VPS13B: variants seen among roughly 807,000 people sequenced by gnomAD.
VPS13B encodes the protein intermembrane lipid transfer protein VPS13B.
VPS13B carries 285 observed loss-of-function variants against 426.4 expected under a neutral mutation model. The observed-to-expected ratio is 0.67, with a 90% CI of 0.61 to 0.74. The LOEUF (loss-of-function observed/expected upper bound fraction) is 0.74, where lower values mean the gene tolerates loss of function less well. Ranked by LOEUF, VPS13B falls within the 30% of genes least tolerant of loss-of-function variation. VPS13B has a pLI of 0.00. For synonymous variants in VPS13B, 1,676 were observed against 1,676.4 expected (o/e 1.00, Z 0.01); for missense variants, 4,537 against 4,782.6 (o/e 0.95, Z 1.51).
chr8:99,084,924 T>C (rs1318487653), intron 3 of VPS13B, among the ~76,000 whole-genome samples: 1 of 152,184 alleles, frequency 6.6e-6, no homozygotes, highest in African/African-American at 2.4e-5. Context: ...GAAGAATGTA[T>C]ATTCTGTTGA....
chr8:99,322,689 C>T (rs973488197), intron 19 of VPS13B, among the ~76,000 whole-genome samples: 3 of 152,088 alleles, frequency 2.0e-5, no homozygotes, highest in African/African-American at 7.2e-5. Context: ...CATGCAAAGA[C>T]TTAGCTATTG....
At chr8:99,291,839 A>G (rs963304398) in intron 19 of VPS13B, among the ~76,000 whole-genome samples, 4 of 152,122 alleles carry the variant, frequency 2.6e-5, no homozygotes, top group African/African-American at 4.8e-5. Context: ...TTTAAATGGT[A>G]ATTATTATTG....
chr8:99,233,423 T>C, intron 17 of VPS13B: 2 of 1,249,278 alleles, frequency 1.6e-6, no homozygotes, highest in Non-Finnish European at 1.2e-6. Flanking sequence ...GCCAGCTGTT[T>C]GATGTGTGCC....
At chr8:99,205,783 A>G (rs1814679566) in intron 17 of VPS13B, among the ~76,000 whole-genome samples, 1 of 152,190 alleles carries the variant, frequency 6.6e-6, no homozygotes, top group Non-Finnish European at 1.5e-5. Context: ...CTTAAATATC[A>G]TCCCGCAGCT....
chr8:99,200,862 C>A lies in VPS13B; in HGVS notation c.2515+7805C>A, dbSNP rs375719720. On this transcript the variant is annotated intron_variant, in intron 17 of 61. Transcript: ENST00000357162. ...TGTCTTTTTACTTTTCTGATGGTGA[C>A]CTTTTGTCTAATTTTTTTCATTACC... 8.6e-5 allele frequency among the ~76,000 whole-genome samples: 13 copies of A among 151,866 alleles called. 1 individual carries two copies. The East Asian group carries it at 2.5e-3, about 29-fold the overall frequency.
chr8:99,801,625 C>T (rs1048888068), intron 43 of VPS13B, among the ~76,000 whole-genome samples: 4 of 152,080 alleles, frequency 2.6e-5, no homozygotes, highest in Non-Finnish European at 4.4e-5. Flanking sequence ...AAAATACATT[C>T]TCTGGTCCAA....
chr8:99,231,308 T>C (rs1004870355), intron 17 of VPS13B, among the ~76,000 whole-genome samples: 3 of 152,126 alleles, frequency 2.0e-5, no homozygotes, highest in African/African-American at 7.2e-5. Flanking sequence ...TCTTTTGTTG[T>C]TGTTGTTGTT....
chr8:99,844,363 CTTT>C (rs71572047), intron 54 of VPS13B, among the ~76,000 whole-genome samples: 8 of 131,030 alleles, frequency 6.1e-5, no homozygotes, highest in Non-Finnish European at 1.1e-4. Flanking sequence ...CTTTCTCAGG[CTTT>C]TTTTTTTTTT....
chr8:99,520,191 G>A (rs1400040288), intron 29 of VPS13B, among the ~76,000 whole-genome samples: 2 of 152,018 alleles, frequency 1.3e-5, no homozygotes, highest in Non-Finnish European at 2.9e-5. Context: ...GTCATTAGGA[G>A]GTAGAACTTT....
At position 99,096,430 on chromosome 8, in the gene VPS13B, C is replaced by G; in HGVS notation, c.410C>G (p.Pro137Arg). ...GCTCCTACAGATCCTGACTTACCAC[C>G]AGGTAACTTCTAATGGGATCAATAA... ...QAAPTDPDLP[P>R]GYVQSLIRRV... The change falls in exon 4 of 62, where the codon CCA (proline) becomes CGA (arginine). Residue 137 changes from proline to arginine, a missense_variant and splice_region_variant. By Grantham distance (103) the Pro-to-Arg change is moderately radical. Coordinates refer to ENST00000357162, the MANE Select transcript of VPS13B (RefSeq NM_152564.5). The G allele has an allele frequency of 1.2e-6, 2 of 1,613,906 alleles. No homozygotes were observed. The highest frequency in any genetic ancestry group is 2.2e-5 in the South Asian group (2 of 91,072).
chr8:99,703,123 A>T (rs922305196), intron 36 of VPS13B, among the ~76,000 whole-genome samples: 6 of 152,154 alleles, frequency 3.9e-5, no homozygotes, highest in Admixed American at 1.3e-4. Context: ...GTGCTTTCAG[A>T]TTTATTTACT....
intron 23 of VPS13B, among the ~76,000 whole-genome samples, chr8:99,465,999 C>T (rs1367028183): frequency 6.6e-6 from 1 of 152,058 alleles, no homozygotes; most frequent in Non-Finnish European, 1.5e-5. Context: ...AATGTATCTT[C>T]TGGTACCTAC....
chr8:99,682,410 T>C (rs1831191171), intron 35 of VPS13B, among the ~76,000 whole-genome samples: 1 of 152,172 alleles, frequency 6.6e-6, no homozygotes, highest in African/African-American at 2.4e-5. Flanking sequence ...CATTGCTGAG[T>C]TATAATACTT....
chr8:99,358,978 A>G (rs1812343567), intron 19 of VPS13B, among the ~76,000 whole-genome samples: 1 of 152,212 alleles, frequency 6.6e-6, no homozygotes, highest in South Asian at 2.1e-4. Flanking sequence ...TTAGGTATAT[A>G]TTAACAACAT....
chr8:99,642,531 A>C, intron 34 of VPS13B, 33 bp downstream of exon 34: 5 of 1,551,704 alleles, frequency 3.2e-6, no homozygotes, highest in Non-Finnish European at 3.5e-6. Flanking sequence ...GAGTGCTAAT[A>C]ATTACTATCT....
intron 21 of VPS13B, among the ~76,000 whole-genome samples, chr8:99,396,082 G>C (rs1814712294): frequency 6.6e-6 from 1 of 152,110 alleles, no homozygotes. Context: ...TAAATGTACA[G>C]AGCCTTATCG....
chr8:99,391,812 G>A (rs1200486156), intron 21 of VPS13B, 108 bp downstream of exon 21: 3 of 1,404,044 alleles, frequency 2.1e-6, no homozygotes, highest in Non-Finnish European at 3.0e-6. Flanking sequence ...GACTCATTGA[G>A]TGGAGACAAA....
intron 23 of VPS13B, among the ~76,000 whole-genome samples, chr8:99,451,809 C>CT (rs1818208938): frequency 1.3e-5 from 2 of 152,296 alleles, no homozygotes; most frequent in African/African-American, 2.4e-5. Context: ...GTAGAGTTTG[C>CT]TGAAGATGTC....
At chr8:99,803,800 T>G (rs1245355489) in intron 43 of VPS13B, among the ~76,000 whole-genome samples, 4 of 152,226 alleles carry the variant, frequency 2.6e-5, no homozygotes. Context: ...GACTCATGTA[T>G]TCCAAGCAAG....
Sources: allele counts gnomAD v4.1 joint callset (sites outside exome capture counted in the v4.1 genomes callset), GRCh38; gene constraint gnomAD v4.1.1; transcripts MANE v1.5; gene names NCBI Gene and HGNC (gene_info 2026-07-23, HGNC 2026-07-21).